The following CHST10 variants were observed in gnomAD, a reference collection of about 807,000 sequenced individuals.
CHST10 encodes HNK-1 sulfotransferase.
In CHST10, 24 loss-of-function variants were observed where a neutral mutation model predicts 34.7. That is an observed-to-expected ratio of 0.69 (90% CI 0.50 to 0.97). CHST10 has a LOEUF of 0.97. Ranked by LOEUF, CHST10 falls within the 50% of genes least tolerant of loss-of-function variation. CHST10 has a pLI of 0.00. For synonymous variants in CHST10, 161 were observed against 169.3 expected (o/e 0.95, Z 0.38); for missense variants, 402 against 452.1 (o/e 0.89, Z 1.00).
intron 2 of CHST10, among the ~76,000 whole-genome samples, chr2:100,411,446 C>T (rs1573199847): frequency 6.6e-6 from 1 of 152,126 alleles, no homozygotes; most frequent in African/African-American, 2.4e-5. Flanking sequence ...ACTTGTTCTA[C>T]AAGTCACATC....
At chr2:100,411,359 G>C (rs1675833349) in intron 2 of CHST10, among the ~76,000 whole-genome samples, 1 of 152,048 alleles carries the variant, frequency 6.6e-6, no homozygotes, top group Admixed American at 6.5e-5. Context: ...TGATCCACCT[G>C]CCTTGGACTC....
At chr2:100,394,405 C>A (rs12991577) in intron 6 of CHST10, among the ~76,000 whole-genome samples, 59,653 of 151,594 alleles carry the variant, frequency 0.39, 13,576 homozygotes, top group East Asian at 0.71. Context: ...GGTGTGATTA[C>A]GACAGGCCAG....
At chr2:100,401,706 T>C (rs376363624) in intron 4 of CHST10, among the ~76,000 whole-genome samples, 14 of 152,296 alleles carry the variant, frequency 9.2e-5, no homozygotes, top group African/African-American at 2.9e-4. Context: ...TCTGTAAACT[T>C]GGCCTCCATT....
intron 5 of CHST10, 43 bp downstream of exon 5, chr2:100,397,862 GCCA>G: frequency 6.7e-7 from 1 of 1,498,062 alleles, no homozygotes; most frequent in South Asian, 1.2e-5. Context: ...CTCAGCACCG[GCCA>G]CCAAGACCCT....
intron 4 of CHST10, among the ~76,000 whole-genome samples, chr2:100,402,327 C>T (rs750458315): frequency 6.6e-6 from 1 of 152,188 alleles, no homozygotes; most frequent in Non-Finnish European, 1.5e-5. Flanking sequence ...TGCTGCACAA[C>T]CAACAGTGAC....
At chr2:100,417,260 G>T in intron 1 of CHST10, 114 bp downstream of exon 1, 1 of 361,712 alleles carries the variant, frequency 2.8e-6, no homozygotes, top group Non-Finnish European at 5.5e-6. Context: ...AAACACACCG[G>T]GATGTGGCTC....
intron 5 of CHST10, among the ~76,000 whole-genome samples, chr2:100,396,903 C>A (rs1675082877): frequency 2.0e-5 from 3 of 152,206 alleles, no homozygotes. Flanking sequence ...TTTGCAGCCT[C>A]ATTCTGCTTC....
chr2:100,395,531 T>C lies in CHST10; in HGVS notation c.511A>G (p.Ser171Gly), dbSNP rs915054278. ...CACCGCTTCTGAATTTCTGCATCACTGAAGGAAGAGAGCCGAGGAAGGCCG... is the reference window on the plus strand; with the variant it reads ...CACCGCTTCTGAATTTCTGCATCACCGAAGGAAGAGAGCCGAGGAAGGCCG... ...KNGLPRLSSF[S>G]DAEIQKRLKT... The change falls in exon 6 of 7, where the codon AGT (serine) becomes GGT (glycine). Residue 171 changes from serine to glycine, a missense_variant. Physicochemically the swap from Ser to Gly is moderately conservative, Grantham distance 56. Coordinates refer to ENST00000264249, the MANE Select transcript of CHST10 (RefSeq NM_004854.5). The C allele has an allele frequency of 2.7e-5, 43 of 1,613,676 alleles. No individual in the cohort carries two copies. The highest frequency in any genetic ancestry group is 6.7e-5 in the Admixed American group (4 of 60,000).
intron 2 of CHST10, among the ~76,000 whole-genome samples, chr2:100,409,175 C>T (rs1203288833): frequency 6.6e-6 from 1 of 152,200 alleles, no homozygotes; most frequent in East Asian, 1.9e-4. Context: ...CCCCTGATCA[C>T]CCTCGCCCGG....
intron 2 of CHST10, chr2:100,408,192 C>A (rs1675666561): frequency 6.6e-6 from 1 of 151,952 alleles, no homozygotes; most frequent in Admixed American, 6.6e-5. Context: ...AAAACAAAAA[C>A]CTATGTGTTG....
intron 4 of CHST10, 107 bp downstream of exon 4, chr2:100,402,457 T>C (rs975954153): frequency 6.1e-6 from 5 of 816,958 alleles, no homozygotes; most frequent in Non-Finnish European, 1.0e-5. Context: ...GAAAAGGCTC[T>C]AACGCAGACG....
At position 100,393,058 on chromosome 2, in the gene CHST10, T is replaced by C; in HGVS notation, c.*187A>G. The C allele has an allele frequency of 4.8e-6, 3 of 630,702 alleles. No homozygotes were observed. In the South Asian group the frequency reaches 6.0e-5, roughly 13 times the overall value. The allele number at this position is 630,702 out of a possible 1,614,324, so 39.1% of individuals were successfully genotyped here. On this transcript the variant is annotated 3_prime_UTR_variant, in exon 7 of 7. Coordinates refer to ENST00000264249, the MANE Select transcript of CHST10 (RefSeq NM_004854.5). Reference sequence around the variant, plus strand: ...TGTGGGCAGGGTCCTCAGAGCATCTTACATCCAAACTAAGTTGTAACAGTT... The same window carrying C: ...TGTGGGCAGGGTCCTCAGAGCATCTCACATCCAAACTAAGTTGTAACAGTT...
intron 2 of CHST10, among the ~76,000 whole-genome samples, chr2:100,413,829 T>TA (rs1202611266): frequency 1.3e-5 from 2 of 152,162 alleles, no homozygotes; most frequent in Admixed American, 1.3e-4. Flanking sequence ...CGCATTCACT[T>TA]ACTAAAGTTT....
chr2:100,408,011 C>A (rs1030125408), intron 2 of CHST10: 3 of 152,110 alleles, frequency 2.0e-5, no homozygotes, highest in Admixed American at 6.5e-5. Flanking sequence ...TACTCCCCCC[C>A]AAAACCAGTA....
chr2:100,403,587 G>A (rs1409344653), intron 3 of CHST10, among the ~76,000 whole-genome samples: 2 of 152,186 alleles, frequency 1.3e-5, no homozygotes, highest in African/African-American at 2.4e-5. Context: ...AACCGGGAAA[G>A]GCAGGTAGGT....
chr2:100,414,958 T>A, intron 2 of CHST10, 83 bp downstream of exon 2: 1 of 937,886 alleles, frequency 1.1e-6, no homozygotes, highest in South Asian at 1.5e-5. Context: ...GAGTTTACAA[T>A]CTGCACAGGC....
intron 2 of CHST10, 91 bp downstream of exon 2, chr2:100,414,950 G>T: frequency 1.2e-6 from 1 of 835,974 alleles, no homozygotes; most frequent in Non-Finnish European, 1.7e-6. Flanking sequence ...CTAATCAAGA[G>T]TTTACAATCT....
At chr2:100,400,595 T>C (rs1675295025) in intron 4 of CHST10, among the ~76,000 whole-genome samples, 2 of 152,268 alleles carry the variant, frequency 1.3e-5, no homozygotes, top group Admixed American at 6.5e-5. Context: ...GTTTTCTTTT[T>C]TCCCTTTGGA....
At position 100,392,079 on chromosome 2, in the gene CHST10, G is replaced by A. The variant is rs1406651373; in HGVS notation, c.*1166C>T. The A allele has an allele frequency of 6.5e-6, 1 of 152,682 alleles. No homozygotes were observed. The highest frequency in any genetic ancestry group is 1.9e-4 in the East Asian group (1 of 5,174). The allele number at this position is 152,682 out of a possible 1,614,324, so 9.5% of individuals were successfully genotyped here. ...GTATCTGAAATGGTCGCTGCGGCTT[G>A]CCCTGCACCAGGGCCTACCTTGTTG... On this transcript the variant is annotated 3_prime_UTR_variant, in exon 7 of 7. Coordinates refer to ENST00000264249, the MANE Select transcript of CHST10 (RefSeq NM_004854.5).
Sources: gnomAD v4.1 joint callset for allele counts (sites outside exome capture counted in the v4.1 genomes callset) on GRCh38, gnomAD v4.1.1 for gene constraint, MANE v1.5 for transcripts, NCBI Gene and HGNC (gene_info 2026-07-23, HGNC 2026-07-21) for gene names.